The following CPB1 variants were observed in gnomAD, a reference collection of about 807,000 sequenced individuals.
The protein encoded by CPB1 is carboxypeptidase B1.
Under a neutral mutation model 51.4 loss-of-function variants are expected in CPB1, and 53 were observed. The observed-to-expected ratio is 1.03, with a 90% CI of 0.83 to 1.30. The LOEUF (loss-of-function observed/expected upper bound fraction) is 1.30. Ranked by LOEUF, CPB1 falls within the 50% of genes most tolerant of loss-of-function variation. The pLI is 0.00. For synonymous variants in CPB1, 189 were observed against 186.9 expected, an observed-to-expected ratio of 1.01 and a Z score of -0.09; for missense variants, 494 against 516.2, an observed-to-expected ratio of 0.96 and a Z score of 0.42.
intron 2 of CPB1, 95 bp from the exon 3 acceptor site, chr3:148,834,403 G>A (rs1712830173): frequency 2.5e-6 from 3 of 1,200,842 alleles, no homozygotes; most frequent in Non-Finnish European, 3.6e-6. Flanking sequence ...ATTTGATTTT[G>A]AAAATAACTC....
At chr3:148,855,849 A>C (rs1713555741) in intron 9 of CPB1, 1 of 152,194 alleles carries the variant, frequency 6.6e-6, no homozygotes, top group African/African-American at 2.4e-5. Context: ...TCCTTTGATA[A>C]ATGGCAAGAT....
chr3:148,859,823 G>A lies in CPB1; in HGVS notation c.1075G>A (p.Ala359Thr). ...GPGATTIYPA[A>T]GGSDDWAYDQ... ...CTGTTTGCACATTTCAGATCCTGCT[G>A]CTGGGGGCTCTGACGACTGGGCTTA... The change falls in exon 11 of 11, where the codon GCT becomes ACT. Residue 359 changes from alanine to threonine, a missense_variant. Coordinates refer to ENST00000282957, the MANE Select transcript of CPB1 (RefSeq NM_001871.3). 3.1e-6 allele frequency: 5 copies of A among 1,612,492 alleles called. No individual in the cohort carries two copies. Among genetic ancestry groups the A allele is most frequent in the Non-Finnish European group, 4.2e-6 (5 of 1,179,156 alleles).
chr3:148,854,685 CA>C (rs1277856826), intron 9 of CPB1: 2 of 152,156 alleles, frequency 1.3e-5, no homozygotes, highest in African/African-American at 4.8e-5. Flanking sequence ...TAGACTCAGT[CA>C]ACTAATCATG....
intron 9 of CPB1, among the ~76,000 whole-genome samples, chr3:148,846,739 AT>A (rs1375086481): frequency 5.2e-3 from 13 of 2,506 alleles, no homozygotes; most frequent in African/African-American, 0.014. Flanking sequence ...GGCCAAAAAT[AT>A]ATATATATAT....
At chr3:148,846,779 A>ATGTGTGTG (rs1326750214) in intron 9 of CPB1, among the ~76,000 whole-genome samples, 11 of 62,194 alleles carry the variant, frequency 1.8e-4, no homozygotes, top group South Asian at 1.6e-3. Flanking sequence ...ATACACATAT[A>ATGTGTGTG]TATGTGTGTG....
At chr3:148,858,572 CAA>C (rs1004149829) in intron 10 of CPB1, among the ~76,000 whole-genome samples, 1 of 140,410 alleles carries the variant, frequency 7.1e-6, no homozygotes. Context: ...AACTCCATCT[CAA>C]AAAAAAAAAG....
rs754031887 is a variant in CPB1 at position 148,844,535 on chromosome 3, T to A, written c.634T>A (p.Phe212Ile). ...QVTELLDKLD[F>I]YVLPVLNIDG... Reference sequence around the variant, plus strand: ...GACAGAGCTTCTCGACAAGTTAGACTTTTATGTCCTGCCTGTGCTCAATAT... The same window carrying A: ...GACAGAGCTTCTCGACAAGTTAGACATTTATGTCCTGCCTGTGCTCAATAT... Residue 212 changes from phenylalanine (F) to isoleucine (I), a missense_variant, in exon 7 of 11, where the codon TTT becomes ATT. By Grantham distance (21) the Phe-to-Ile change is conservative. Coordinates refer to ENST00000282957, the MANE Select transcript of CPB1 (RefSeq NM_001871.3). 2 of 1,613,974 alleles carry A rather than the reference T, an allele frequency of 1.2e-6. No homozygotes were observed. Among genetic ancestry groups the A allele is most frequent in the African/African-American group, 1.3e-5 (1 of 75,052 alleles).
intron 2 of CPB1, among the ~76,000 whole-genome samples, chr3:148,831,093 C>T (rs1215596260): frequency 6.6e-6 from 1 of 152,190 alleles, no homozygotes; most frequent in Non-Finnish European, 1.5e-5. Context: ...ACACTGTACT[C>T]CAGCAGCCCT....
chr3:148,845,594 G>T lies in CPB1; in HGVS notation c.949G>T (p.Ala317Ser). The change falls in exon 9 of 11, where the codon GCT becomes TCT. Residue 317 changes from alanine (A) to serine (S), a missense_variant. By Grantham distance (99) the Ala-to-Ser change is moderately conservative. Coordinates refer to ENST00000282957, the MANE Select transcript of CPB1 (RefSeq NM_001871.3). ...SQMMIYPYSYAYKLGENNAEL... is the reference protein window; with the variant it reads ...SQMMIYPYSYSYKLGENNAEL... The stretch of plus-strand genomic sequence containing the variant: ...AATGATGATCTACCCTTACTCATAT[G>T]CTTACAAACTCGGTGAGAACAATGC... 1 of 1,613,808 alleles carries T rather than the reference G, an allele frequency of 6.2e-7. No individual in the cohort carries two copies. Among genetic ancestry groups the T allele is most frequent in the Middle Eastern group, 1.6e-4 (1 of 6,062 alleles).
At chr3:148,830,135 C>G (rs1417682229) in intron 2 of CPB1, among the ~76,000 whole-genome samples, 1 of 152,162 alleles carries the variant, frequency 6.6e-6, no homozygotes, top group African/African-American at 2.4e-5. Context: ...TTCCAGTTCA[C>G]TCTGCAGCTT....
rs1559959408 is a variant in CPB1, at chr3:148,844,605, T to C, written c.687+17T>C. On this transcript the variant is annotated intron_variant, in intron 7 of 10. Transcript: ENST00000282957. The stretch of plus-strand genomic sequence containing the variant: ...TGGACCAAGGTATATGCACCAATAC[T>C]GAGAGAGGCTGATGAAATTAAAACC... 9.9e-6 allele frequency: 16 copies of C among 1,611,378 alleles called. No homozygotes were observed. The highest frequency in any genetic ancestry group is 1.6e-4 in the Middle Eastern group (1 of 6,078).
At chr3:148,841,321 C>A (rs1315514167) in intron 5 of CPB1, among the ~76,000 whole-genome samples, 65 of 152,188 alleles carry the variant, frequency 4.3e-4, no homozygotes, top group Non-Finnish European at 1.0e-4. Flanking sequence ...AACTTCATGT[C>A]TATCAGACAA....
At position 148,835,812 on chromosome 3, in the gene CPB1, T is replaced by C. The variant is rs554516992; in HGVS notation, c.272+1190T>C. Among the ~76,000 whole-genome samples the C allele has an allele frequency of 3.3e-5, 5 of 152,318 alleles. No homozygotes were observed. The East Asian group carries it at 9.6e-4, about 29-fold the overall frequency. Reference sequence around the variant, plus strand: ...AGAAATTTCTCTTGTTTTTCACGTCTTAAAAATGTAAAAGAATAGTATCTG... The same window carrying C: ...AGAAATTTCTCTTGTTTTTCACGTCCTAAAAATGTAAAAGAATAGTATCTG... On this transcript the variant is annotated intron_variant, in intron 3 of 10. Coordinates refer to ENST00000282957, the MANE Select transcript of CPB1 (RefSeq NM_001871.3).
intron 5 of CPB1, among the ~76,000 whole-genome samples, 155 bp from the exon 6 acceptor site, chr3:148,841,667 CT>C (rs1713084339): frequency 6.6e-6 from 1 of 152,190 alleles, no homozygotes; most frequent in Non-Finnish European, 1.5e-5. Flanking sequence ...CGAGAACATA[CT>C]GTGTTAGTAT....
chr3:148,858,873 C>G (rs1713671916), intron 10 of CPB1, among the ~76,000 whole-genome samples: 2 of 152,210 alleles, frequency 1.3e-5, no homozygotes, highest in African/African-American at 4.8e-5. Context: ...ACACACATGA[C>G]AAAAGACCCA....
intron 2 of CPB1, among the ~76,000 whole-genome samples, chr3:148,831,014 A>G (rs1229597668): frequency 3.3e-5 from 5 of 152,288 alleles, no homozygotes; most frequent in African/African-American, 9.6e-5. Flanking sequence ...ATCCTTGGCC[A>G]TGTGTCCTTC....
In CPB1 at chr3:148,860,013, T is replaced by C; in HGVS notation, c.*11T>C. 6.3e-7 allele frequency: 1 copy of C among 1,591,720 alleles called. No individual in the cohort carries two copies. The highest frequency in any genetic ancestry group is 1.1e-5 in the South Asian group (1 of 88,474). ...GAACACCTGTACTAGTTGAGAAAGCTGATGGCCTTGTTTCAAAATTCTCAT... is the reference window on the plus strand; with the variant it reads ...GAACACCTGTACTAGTTGAGAAAGCCGATGGCCTTGTTTCAAAATTCTCAT... On this transcript the variant is annotated 3_prime_UTR_variant, in exon 11 of 11. Transcript: ENST00000282957.
chr3:148,852,621 C>A (rs976282838), intron 9 of CPB1, among the ~76,000 whole-genome samples: 9 of 152,190 alleles, frequency 5.9e-5, no homozygotes, highest in Non-Finnish European at 1.2e-4. Context: ...CCCCATTAGA[C>A]AGTATTTATT....
chr3:148,829,400 A>G (rs1260281546), intron 2 of CPB1, among the ~76,000 whole-genome samples: 1 of 152,190 alleles, frequency 6.6e-6, no homozygotes, highest in Non-Finnish European at 1.5e-5. Context: ...GATTCTTTTT[A>G]GCATCTTAAA....
Sources: allele counts gnomAD v4.1 joint callset (sites outside exome capture counted in the v4.1 genomes callset), GRCh38; gene constraint gnomAD v4.1.1; transcripts MANE v1.5; gene names NCBI Gene and HGNC (gene_info 2026-07-23, HGNC 2026-07-21).